Variants in TANGO2 observed in about 807,000 individuals in gnomAD.
The protein encoded by TANGO2 is transport and Golgi organization protein 2 homolog.
Under a neutral mutation model 39.1 loss-of-function variants are expected in TANGO2, and 26 were observed. That is an observed-to-expected ratio of 0.67 (90% CI 0.49 to 0.92). TANGO2 has a LOEUF of 0.92. Ranked by LOEUF, TANGO2 falls within the 40% of genes least tolerant of loss-of-function variation. TANGO2 has a pLI of 0.00. For missense variants in TANGO2, 326 were observed against 360.1 expected, an observed-to-expected ratio of 0.91 and a Z score of 0.77; for synonymous variants, 131 against 144.5, an observed-to-expected ratio of 0.91 and a Z score of 0.67.
intron 1 of TANGO2, among the ~76,000 whole-genome samples, chr22:20,021,561 AC>A (rs1372983017): frequency 6.6e-6 from 1 of 152,028 alleles, no homozygotes; most frequent in African/African-American, 2.4e-5. Context: ...TCTGCCCCCT[AC>A]CCGCGGCCTG....
chr22:20,036,205 C>G (rs760376122), intron 1 of TANGO2, among the ~76,000 whole-genome samples: 4 of 152,102 alleles, frequency 2.6e-5, no homozygotes, highest in Non-Finnish European at 5.9e-5. Flanking sequence ...AATTAATAGG[C>G]GACGTCCGGG....
chr22:20,017,359 G>T (rs996271683), upstream of TANGO2, among the ~76,000 whole-genome samples: 1 of 152,208 alleles, frequency 6.6e-6, no homozygotes, highest in Non-Finnish European at 1.5e-5. Flanking sequence ...GAACACAGTC[G>T]TCTGACCCTG....
intron 3 of TANGO2, among the ~76,000 whole-genome samples, chr22:20,048,508 A>G (rs1035268550): frequency 1.3e-5 from 2 of 152,132 alleles, no homozygotes; most frequent in African/African-American, 4.8e-5. Context: ...AGGAGGGTAA[A>G]TCTGGTCCTT....
intron 1 of TANGO2, among the ~76,000 whole-genome samples, chr22:20,029,206 C>G (rs936806268): frequency 6.6e-6 from 1 of 152,192 alleles, no homozygotes; most frequent in African/African-American, 2.4e-5. Flanking sequence ...GGACAGAAGG[C>G]CCTGTTGGTT....
rs2049228517 is a variant in TANGO2, at chr22:20,066,775, C to T, written c.*2113C>T. ...CCTGTGCCGGTGACCAGTGCCAGTCCCCAACCTGGATGGTGCCCTGCCCTC... is the reference window on the plus strand; with the variant it reads ...CCTGTGCCGGTGACCAGTGCCAGTCTCCAACCTGGATGGTGCCCTGCCCTC... On this transcript the variant is annotated 3_prime_UTR_variant, in exon 9 of 9. Transcript: ENST00000327374. Among the ~76,000 whole-genome samples, 1 of 152,142 alleles carries T rather than the reference C, an allele frequency of 6.6e-6. No individual in the cohort carries two copies. The highest frequency in any genetic ancestry group is 1.5e-5 in the Non-Finnish European group (1 of 68,020).
At chr22:20,020,239 A>C (rs770905079), upstream of TANGO2, among the ~76,000 whole-genome samples, 34 of 152,220 alleles carry the variant, frequency 2.2e-4, no homozygotes, top group Non-Finnish European at 8.8e-5. Context: ...ACACATTATC[A>C]TTATCCCTAA....
At chr22:20,053,627 G>C in intron 5 of TANGO2, 76 bp downstream of exon 5, 2 of 947,120 alleles carry the variant, frequency 2.1e-6, no homozygotes, top group East Asian at 2.5e-5. Flanking sequence ...TCAGGAAGTG[G>C]GGTTCCACTG....
intron 2 of TANGO2, among the ~76,000 whole-genome samples, chr22:20,037,450 A>G (rs2043063697): frequency 6.6e-6 from 1 of 152,242 alleles, no homozygotes; most frequent in Non-Finnish European, 1.5e-5. Flanking sequence ...ACCCACATCT[A>G]AAATGAAACG....
At chr22:20,032,112 G>A (rs1052288338) in intron 1 of TANGO2, among the ~76,000 whole-genome samples, 1 of 152,246 alleles carries the variant, frequency 6.6e-6, no homozygotes, top group Non-Finnish European at 1.5e-5. Flanking sequence ...TCCCACCTGT[G>A]GTGCCCTGGC....
intron 8 of TANGO2, chr22:20,063,735 GCAC>G (rs1484201669): frequency 2.7e-6 from 1 of 365,306 alleles, no homozygotes; most frequent in African/African-American, 2.1e-5. Flanking sequence ...CGGCACCATG[GCAC>G]TAGGCCTGCA....
intron 5 of TANGO2, chr22:20,054,184 G>A: frequency 4.4e-6 from 1 of 225,304 alleles, no homozygotes; most frequent in South Asian, 5.4e-5. Flanking sequence ...TGTTCGTTGA[G>A]CATCCCTTGT....
At chr22:20,017,526 C>T (rs575515755), upstream of TANGO2, among the ~76,000 whole-genome samples, 293 of 152,296 alleles carry the variant, frequency 1.9e-3, no homozygotes, top group African/African-American at 6.5e-3. Flanking sequence ...ACCTCTTGGG[C>T]TTGTCCCACC....
At chr22:20,033,083 A>G (rs2146969471) in intron 1 of TANGO2, 1 of 426,436 alleles carries the variant, frequency 2.3e-6, no homozygotes, top group East Asian at 8.1e-5. Flanking sequence ...GGGGAGGGGG[A>G]GACCTGCTGG....
At chr22:20,046,063 G>C (rs546614611) in intron 3 of TANGO2, among the ~76,000 whole-genome samples, 2 of 152,146 alleles carry the variant, frequency 1.3e-5, no homozygotes, top group South Asian at 2.1e-4. Context: ...GACATTCTCT[G>C]TGTAGCTCCT....
At chr22:20,037,033 G>C in intron 2 of TANGO2, 179 bp downstream of exon 2, 1 of 1,561,064 alleles carries the variant, frequency 6.4e-7, no homozygotes, top group Non-Finnish European at 8.7e-7. Context: ...AATGCCTCTC[G>C]GGGCGGGGAC....
At position 20,036,779 on chromosome 22, in the gene TANGO2, C is replaced by G; in HGVS notation, c.-20C>G. 2.5e-6 allele frequency: 4 copies of G among 1,614,246 alleles called. No homozygotes were observed. The highest frequency in any genetic ancestry group is 2.5e-6 in the Non-Finnish European group (3 of 1,180,050). ...CCGCAGACCTCGCGACCTGTGTCAGCAGAGCCGCCCTGCACCACCATGTGC... is the reference window on the plus strand; with the variant it reads ...CCGCAGACCTCGCGACCTGTGTCAGGAGAGCCGCCCTGCACCACCATGTGC... On this transcript the variant is annotated 5_prime_UTR_variant, in exon 2 of 9. Transcript: ENST00000327374.
intron 6 of TANGO2, chr22:20,061,129 C>T (rs975400599): frequency 6.0e-6 from 1 of 166,826 alleles, no homozygotes; most frequent in Non-Finnish European, 1.3e-5. Flanking sequence ...TGGTGGGTGC[C>T]TCCTGGCCTC....
intron 6 of TANGO2, chr22:20,058,556 G>A (rs1176582251): frequency 6.6e-6 from 1 of 151,952 alleles, no homozygotes; most frequent in East Asian, 1.9e-4. Context: ...GCGGGAGAAT[G>A]GCGTGAACAC....
In TANGO2 at chr22:20,055,980, C is replaced by T. The variant is rs764883927; in HGVS notation, c.418C>T (p.Arg140Ter). Residue 140 changes from arginine to a stop codon, truncating the protein, a stop_gained, in exon 6 of 9, where the codon CGA (arginine) becomes TGA (stop). Transcript: ENST00000327374. LOFTEE classifies it high-confidence loss of function. ...KGDVICYYGN[R>*]GEPDPIVLTP... ...AGACGTCATTTGCTACTATGGGAAC[C>T]GAGGGGAGCCTGATCCTATCGTTTT... The T allele has an allele frequency of 5.6e-6, 9 of 1,614,028 alleles. No individual in the cohort carries two copies. Among genetic ancestry groups the T allele is most frequent in the South Asian group, 1.1e-5 (1 of 91,088 alleles).
Sources: gnomAD v4.1 joint callset for allele counts (sites outside exome capture counted in the v4.1 genomes callset) on GRCh38, gnomAD v4.1.1 for gene constraint, MANE v1.5 for transcripts, NCBI Gene and HGNC (gene_info 2026-07-23, HGNC 2026-07-21) for gene names.